TEX264: variants seen among roughly 807,000 people sequenced by gnomAD.
TEX264 encodes the protein testis-expressed protein 264.
A neutral mutation model predicts 23.4 loss-of-function variants in TEX264; 13 were observed. The ratio of observed to expected loss-of-function variants is 0.56; its 90% confidence interval spans 0.36 to 0.88. The LOEUF is 0.88. Among genes scored for constraint, TEX264 ranks in the 40% least tolerant of loss-of-function variants. The pLI is 0.01. For missense variants in TEX264, 340 were observed against 406.8 expected (o/e 0.84, Z 1.41); for synonymous variants, 159 against 170.0 (o/e 0.94, Z 0.50).
chr3:51,685,431 G>T (rs1702588363), intron 3 of TEX264, among the ~76,000 whole-genome samples: 1 of 152,246 alleles, frequency 6.6e-6, no homozygotes, highest in South Asian at 2.1e-4. Flanking sequence ...TCACAGTGAG[G>T]TGGTGAAGAT....
intron 2 of TEX264, chr3:51,682,304 A>T (rs1702456865): frequency 6.6e-6 from 1 of 152,158 alleles, no homozygotes; most frequent in Non-Finnish European, 1.5e-5. Context: ...TATTGCAGTG[A>T]TCTCCTGTGC....
chr3:51,698,909 G>C (rs1703172664), intron 3 of TEX264, among the ~76,000 whole-genome samples: 1 of 152,180 alleles, frequency 6.6e-6, no homozygotes, highest in African/African-American at 2.4e-5. Flanking sequence ...GAGGCCTAAG[G>C]ACTGGGGGTG....
At position 51,676,589 on chromosome 3, in the gene TEX264, A is replaced by T. The variant is rs185756135; in HGVS notation, c.258+2027A>T. ...TCCCGAGTTCTGATTCTGTCCCATC[A>T]CTGTCCTGCTGAGTGATCTTAGGCA... On this transcript the variant is annotated intron_variant, in intron 2 of 4. Coordinates refer to ENST00000341333, the MANE Select transcript of TEX264 (RefSeq NM_015926.6). 2.0e-5 allele frequency among the ~76,000 whole-genome samples: 3 copies of T among 152,262 alleles called. No homozygotes were observed. The East Asian group carries it at 5.8e-4, about 29-fold the overall frequency.
intron 2 of TEX264, among the ~76,000 whole-genome samples, chr3:51,680,681 G>A (rs1358370042): frequency 1.3e-5 from 2 of 152,238 alleles, no homozygotes; most frequent in Non-Finnish European, 2.9e-5. Flanking sequence ...TCCAATTCTT[G>A]TTCTGGGCAG....
chr3:51,683,458 G>A (rs1702502438), intron 2 of TEX264: 1 of 152,296 alleles, frequency 6.6e-6, no homozygotes, highest in Non-Finnish European at 1.5e-5. Context: ...AGGTTTCTGG[G>A]AGCCAGAGGA....
At chr3:51,698,139 G>A (rs61440245) in intron 3 of TEX264, among the ~76,000 whole-genome samples, 5,160 of 152,030 alleles carry the variant, frequency 0.034, 277 homozygotes, top group African/African-American at 0.11. Flanking sequence ...TCCTAGCTAG[G>A]TAAACCTTTC....
chr3:51,690,126 G>A (rs1489629364), intron 3 of TEX264, among the ~76,000 whole-genome samples: 3 of 152,222 alleles, frequency 2.0e-5, no homozygotes, highest in Non-Finnish European at 2.9e-5. Context: ...AACCGCTTGT[G>A]TTTGCTTCCC....
chr3:51,681,891 G>A (rs1453818377), intron 2 of TEX264: 2 of 152,364 alleles, frequency 1.3e-5, no homozygotes, highest in African/African-American at 2.4e-5. Context: ...TGTGAATTTA[G>A]TTTCATCCTA....
At chr3:51,678,704 G>T (rs541770316) in intron 2 of TEX264, among the ~76,000 whole-genome samples, 1 of 152,328 alleles carries the variant, frequency 6.6e-6, no homozygotes, top group African/African-American at 2.4e-5. Flanking sequence ...GCAGGGGCCT[G>T]TGGTCATTTG....
At chr3:51,699,617 C>T (rs1022487812) in intron 4 of TEX264, 43 bp downstream of exon 4, 5 of 1,603,586 alleles carry the variant, frequency 3.1e-6, no homozygotes, top group East Asian at 2.2e-5. Context: ...CCTGGAGCTC[C>T]TCTCTTCTGG....
At chr3:51,688,368 A>G (rs1482720159) in intron 3 of TEX264, among the ~76,000 whole-genome samples, 1 of 152,204 alleles carries the variant, frequency 6.6e-6, no homozygotes, top group African/African-American at 2.4e-5. Context: ...GGACTGAGGG[A>G]TGGGCCTGGG....
chr3:51,676,453 T>A (rs990711533), intron 2 of TEX264, among the ~76,000 whole-genome samples: 24 of 152,164 alleles, frequency 1.6e-4, no homozygotes, highest in Non-Finnish European at 2.6e-4. Context: ...CCCAGAGATG[T>A]GGTGGACCCC....
intron 3 of TEX264, among the ~76,000 whole-genome samples, chr3:51,698,550 C>T (rs1476331147): frequency 6.6e-6 from 1 of 152,126 alleles, no homozygotes; most frequent in African/African-American, 2.4e-5. Flanking sequence ...CATGTCTGTG[C>T]CCCTCCATAC....
In TEX264 at chr3:51,674,309, C is replaced by G. The variant is rs371048238; in HGVS notation, c.5C>G (p.Ser2Trp). The G allele has an allele frequency of 1.3e-4, 203 of 1,614,076 alleles. No homozygotes were observed. Among genetic ancestry groups the G allele is most frequent in the Non-Finnish European group, 1.5e-4 (173 of 1,180,028 alleles). The change falls in exon 2 of 5, where the codon TCG (serine) becomes TGG (tryptophan). Residue 2 changes from serine to tryptophan, a missense_variant. Physicochemically the swap from Ser to Trp is radical, Grantham distance 177. Coordinates refer to ENST00000341333, the MANE Select transcript of TEX264 (RefSeq NM_015926.6). ...CAGTGTTGGGGATCCAGAGCCATGT[C>G]GGACCTGCTACTACTGGGCCTGATT... M[S>W]DLLLLGLIGG...
intron 1 of TEX264, among the ~76,000 whole-genome samples, chr3:51,672,933 A>AG (rs1702100503): frequency 1.3e-5 from 2 of 152,238 alleles, no homozygotes; most frequent in Non-Finnish European, 2.9e-5. Context: ...TAGGACAGGC[A>AG]GAAAAGAGAG....
intron 2 of TEX264, 23 bp from the exon 3 acceptor site, chr3:51,684,390 A>C (rs1702537725): frequency 6.2e-7 from 1 of 1,610,762 alleles, no homozygotes; most frequent in African/African-American, 1.3e-5. Context: ...GCCAACTCTC[A>C]CACCCATGCT....
chr3:51,689,754 G>A (rs887365932), intron 3 of TEX264, among the ~76,000 whole-genome samples: 15 of 152,212 alleles, frequency 9.9e-5, no homozygotes, highest in Non-Finnish European at 1.5e-5. Context: ...CCCACTACAT[G>A]TCTGTTCTCG....
rs1466054590 is a variant in TEX264 at position 51,674,377 on chromosome 3, G to A, written c.73G>A (p.Ala25Thr). Reference sequence around the variant, plus strand: ...ACTGCTGCTGACGCTGCTGGCCTTTGCCGGGTACTCAGGGCTACTGGCTGG... The same window carrying A: ...ACTGCTGCTGACGCTGCTGGCCTTTACCGGGTACTCAGGGCTACTGGCTGG... ...LLLLLTLLAF[A>T]GYSGLLAGVE... Residue 25 changes from alanine to threonine, a missense_variant, in exon 2 of 5, where the codon GCC (alanine) becomes ACC (threonine). Coordinates refer to ENST00000341333, the MANE Select transcript of TEX264 (RefSeq NM_015926.6). 2 of 1,614,102 alleles carry A rather than the reference G, an allele frequency of 1.2e-6. No individual in the cohort carries two copies. The highest frequency in any genetic ancestry group is 1.1e-5 in the South Asian group (1 of 91,088).
intron 4 of TEX264, among the ~76,000 whole-genome samples, chr3:51,700,528 C>T (rs1046502953): frequency 7.9e-5 from 12 of 152,100 alleles, no homozygotes; most frequent in African/African-American, 2.7e-4. Flanking sequence ...CTCCCTTCTG[C>T]CTGGTAGTGC....
Sources: gnomAD v4.1 joint callset for allele counts (sites outside exome capture counted in the v4.1 genomes callset) on GRCh38, gnomAD v4.1.1 for gene constraint, MANE v1.5 for transcripts, NCBI Gene and HGNC (gene_info 2026-07-23, HGNC 2026-07-21) for gene names.